AGTPBP1: variants seen among roughly 807,000 people sequenced by gnomAD.
The protein encoded by AGTPBP1 is ATP/GTP binding carboxypeptidase 1.
AGTPBP1 carries 70 observed loss-of-function variants against 143.9 expected under a neutral mutation model. The ratio of observed to expected loss-of-function variants is 0.49; its 90% CI spans 0.40 to 0.59. The LOEUF is 0.59. AGTPBP1 is among the 20% of genes least tolerant of loss of function. The probability of loss-of-function intolerance (pLI) is 0.00; values close to 1 mark genes in which losing one functional copy is unlikely to be tolerated. For missense variants in AGTPBP1, 1,229 were observed against 1,464.5 expected, an observed-to-expected ratio of 0.84 and a Z score of 2.62; for synonymous variants, 463 against 500.2, an observed-to-expected ratio of 0.93 and a Z score of 0.99.
In AGTPBP1 at chr9:85,646,271, CT is replaced by C. The variant is rs754355661; in HGVS notation, c.1185+49del. On this transcript the variant is annotated intron_variant, in intron 12 of 25. Coordinates refer to ENST00000357081, the MANE Select transcript of AGTPBP1 (RefSeq NM_001330701.2). ...TATTTACCCAATTTTTGTTTTACAA[CT>C]GTAGTATATCATTTATAAAGCTAAC... 3 of 1,351,280 alleles carry C rather than the reference CT, an allele frequency of 2.2e-6. No homozygotes were observed. The Admixed American group carries it at 5.4e-5, about 24-fold the overall frequency. The allele number at this position is 1,351,280 out of a possible 1,614,324, so 83.7% of individuals were successfully genotyped here.
chr9:85,763,388 GT>G, the AGTPBP1 span, among the ~76,000 whole-genome samples: 1 of 151,930 alleles, frequency 6.6e-6, no homozygotes. Flanking sequence ...CAGGCAAAAT[GT>G]TTCCAGAAAA....
chr9:85,646,263 T>C (rs905102626), intron 12 of AGTPBP1, 58 bp downstream of exon 12: 7 of 1,243,306 alleles, frequency 5.6e-6, no homozygotes, highest in African/African-American at 1.5e-5. Context: ...CCAATTTTTG[T>C]TTTACAACTG....
chr9:85,617,313 G>A (rs972231625), intron 17 of AGTPBP1, among the ~76,000 whole-genome samples: 11 of 152,148 alleles, frequency 7.2e-5, no homozygotes, highest in African/African-American at 2.7e-4. Context: ...AGACCTTGGA[G>A]ATTTTGTAAC....
intron 15 of AGTPBP1, among the ~76,000 whole-genome samples, chr9:85,620,420 TAAA>T (rs67311066): frequency 8.7e-5 from 9 of 103,856 alleles, no homozygotes; most frequent in Admixed American, 1.1e-4. Flanking sequence ...GGACTTCATC[TAAA>T]AAAAAAAAAA....
intron 1 of AGTPBP1, among the ~76,000 whole-genome samples, chr9:85,724,037 A>C (rs977670528): frequency 2.0e-5 from 3 of 152,160 alleles, no homozygotes; most frequent in African/African-American, 7.2e-5. Flanking sequence ...CTATAATCCT[A>C]GCACTTTGGG....
intron 25 of AGTPBP1, among the ~76,000 whole-genome samples, chr9:85,573,677 G>A (rs895445070): frequency 6.6e-6 from 1 of 151,402 alleles, no homozygotes; most frequent in Non-Finnish European, 1.5e-5. Context: ...CTTCCCGGCC[G>A]CCATCCCATC....
chr9:85,614,138 T>C (rs1040148271), intron 17 of AGTPBP1, among the ~76,000 whole-genome samples: 5 of 152,008 alleles, frequency 3.3e-5, no homozygotes, highest in African/African-American at 9.7e-5. Context: ...AACATTCCCA[T>C]TGAAGTTAAA....
the AGTPBP1 span, among the ~76,000 whole-genome samples, chr9:85,749,691 A>G: frequency 1.3e-5 from 2 of 152,172 alleles, no homozygotes; most frequent in African/African-American, 4.8e-5. Context: ...CATCTTTAAA[A>G]TGGATTTTAT....
chr9:85,758,363 G>C, the AGTPBP1 span, among the ~76,000 whole-genome samples: 1 of 152,196 alleles, frequency 6.6e-6, no homozygotes, highest in African/African-American at 2.4e-5. Flanking sequence ...TTGGAGGATA[G>C]GCAGGGCGCG....
chr9:85,776,306 T>C, the AGTPBP1 span, among the ~76,000 whole-genome samples: 58,213 of 152,030 alleles, frequency 0.38, 12,716 homozygotes, highest in African/African-American at 0.59. Context: ...TTACCGTCCT[T>C]GTTTCTGCAG....
intron 2 of AGTPBP1, among the ~76,000 whole-genome samples, chr9:85,697,019 T>TTTCCAAATAGATC (rs1233598975): frequency 6.6e-6 from 1 of 152,254 alleles, no homozygotes; most frequent in Admixed American, 6.5e-5. Flanking sequence ...ATCACATTTT[T>TTTCCAAATAGATC]ACTGTTTTTC....
chr9:85,552,281 A>G (rs1319179715), intron 25 of AGTPBP1, among the ~76,000 whole-genome samples: 1 of 152,170 alleles, frequency 6.6e-6, no homozygotes, highest in East Asian at 1.9e-4. Context: ...TTCTGAAGAG[A>G]ACAAAAAATG....
chr9:85,734,622 T>A (rs1195224971), intron 1 of AGTPBP1, among the ~76,000 whole-genome samples: 1 of 152,246 alleles, frequency 6.6e-6, no homozygotes, highest in African/African-American at 2.4e-5. Context: ...TAAGTGTTGA[T>A]GTGCATAGAT....
chr9:85,635,750 G>A (rs1212157107), intron 13 of AGTPBP1, among the ~76,000 whole-genome samples: 1 of 151,744 alleles, frequency 6.6e-6, no homozygotes, highest in Non-Finnish European at 1.5e-5. Flanking sequence ...CTGGCATTAA[G>A]GTGATTTCCC....
intron 25 of AGTPBP1, among the ~76,000 whole-genome samples, chr9:85,567,600 GAAGA>G (rs1031630402): frequency 2.8e-4 from 43 of 152,124 alleles, no homozygotes; most frequent in African/African-American, 9.9e-4. Flanking sequence ...TCAAAAAAAA[GAAGA>G]AAGAAAATGT....
the AGTPBP1 span, chr9:85,785,878 A>G: frequency 5.6e-6 from 2 of 358,136 alleles, no homozygotes; most frequent in East Asian, 1.0e-4. Flanking sequence ...AATTTGTTCC[A>G]TGAATTAAAG....
At chr9:85,554,794 G>A (rs1459052548) in intron 25 of AGTPBP1, among the ~76,000 whole-genome samples, 1 of 152,066 alleles carries the variant, frequency 6.6e-6, no homozygotes, top group Non-Finnish European at 1.5e-5. Flanking sequence ...GGGGTTCTCA[G>A]GCATGAACTT....
At chr9:85,804,538 G>T in the AGTPBP1 span, among the ~76,000 whole-genome samples, 9 of 152,298 alleles carry the variant, frequency 5.9e-5, no homozygotes, top group South Asian at 1.2e-3. Context: ...GAAGGCAAAG[G>T]TATCTTCAAC....
chr9:85,632,034 G>A (rs2133699712), intron 14 of AGTPBP1, among the ~76,000 whole-genome samples: 1 of 151,090 alleles, frequency 6.6e-6, no homozygotes, highest in Admixed American at 6.6e-5. Flanking sequence ...TGTCTATATT[G>A]TTTCATTTAT....
Sources: allele counts gnomAD v4.1 joint callset (sites outside exome capture counted in the v4.1 genomes callset), GRCh38; gene constraint gnomAD v4.1.1; transcripts MANE v1.5; gene names NCBI Gene and HGNC (gene_info 2026-07-23, HGNC 2026-07-21).